Variants in HHLA1 observed in about 807,000 individuals in gnomAD.
HHLA1 encodes the protein HERV-H LTR-associating protein 1.
In HHLA1, 72 loss-of-function variants were observed where a neutral mutation model predicts 69.9. The observed-to-expected ratio is 1.03, with a 90% CI of 0.85 to 1.25. The LOEUF (loss-of-function observed/expected upper bound fraction) is 1.25, where lower values mean the gene tolerates loss of function less well. Ranked by LOEUF, HHLA1 falls within the 50% of genes most tolerant of loss-of-function variation. The pLI, the probability that HHLA1 is intolerant of heterozygous loss-of-function variation, is 0.00. For missense variants in HHLA1, 685 were observed against 642.2 expected, an observed-to-expected ratio of 1.07 and a Z score of -0.72; for synonymous variants, 252 against 233.2, an observed-to-expected ratio of 1.08 and a Z score of -0.73.
At chr8:132,066,049 A>C (rs879145350) in intron 15 of HHLA1, 81 bp from the exon 16 acceptor site, 1 of 551,508 alleles carries the variant, frequency 1.8e-6, no homozygotes, top group South Asian at 1.6e-5. Context: ...AAAGGTAAGC[A>C]CATAAACATG....
Position 132,095,764 on chromosome 8 carries a change from C to T in HHLA1, c.303G>A (p.Leu101=). ...ALKDSKKFFS[L]LSVTSYSSFA... is the part of the protein sequence containing the mutation. ...AGGAACTGTAGGAAGTGACACTCAG[C>T]AAGGAGAAGAACTTCTTGCTATCTG... Residue 101 remains leucine, a synonymous_variant, in exon 6 of 17, where the codon TTG becomes TTA. Transcript: ENST00000414222. 1.3e-6 allele frequency: 2 copies of T among 1,550,962 alleles called. No individual in the cohort carries two copies. The highest frequency in any genetic ancestry group is 1.7e-6 in the Non-Finnish European group (2 of 1,146,648).
At chr8:132,094,069 T>C (rs1402559265) in intron 7 of HHLA1, among the ~76,000 whole-genome samples, 2 of 152,232 alleles carry the variant, frequency 1.3e-5, no homozygotes, top group Non-Finnish European at 2.9e-5. Context: ...AAATTATTTA[T>C]ATTAAGAAAA....
At chr8:132,084,627 T>G (rs2130887522) in intron 10 of HHLA1, among the ~76,000 whole-genome samples, 1 of 151,882 alleles carries the variant, frequency 6.6e-6, no homozygotes, top group Admixed American at 6.6e-5. Context: ...GGCATTTAGG[T>G]TTTAGGTCAG....
At chr8:132,098,839 GAA>G in intron 5 of HHLA1, 41 bp downstream of exon 5, 2 of 1,291,370 alleles carry the variant, frequency 1.5e-6, no homozygotes, top group South Asian at 1.3e-5. Flanking sequence ...ACTGGTACAA[GAA>G]AAAAAAATGG....
chr8:132,085,630 C>T (rs368688910), intron 10 of HHLA1: 1,794 of 161,572 alleles, frequency 0.011, 6 homozygotes, highest in African/African-American at 0.038. Flanking sequence ...TGGGTGCAGG[C>T]GGGCTGAGTC....
intron 3 of HHLA1, among the ~76,000 whole-genome samples, chr8:132,102,234 G>A (rs1479532611): frequency 1.3e-5 from 2 of 152,148 alleles, no homozygotes; most frequent in African/African-American, 4.8e-5. Flanking sequence ...TCCTTTTCCT[G>A]TTTATCCGTC....
chr8:132,087,406 G>C (rs778455739), intron 10 of HHLA1, among the ~76,000 whole-genome samples: 1 of 152,162 alleles, frequency 6.6e-6, no homozygotes, highest in Non-Finnish European at 1.5e-5. Context: ...CCTTCCTAGT[G>C]GGGGAATGAG....
chr8:132,072,537 C>T (rs1823564735), intron 14 of HHLA1, among the ~76,000 whole-genome samples: 2 of 152,136 alleles, frequency 1.3e-5, no homozygotes, highest in Non-Finnish European at 2.9e-5. Flanking sequence ...GCCTTCCTCT[C>T]ACAGAGCTTA....
At chr8:132,068,112 C>A (rs1365147609) in intron 15 of HHLA1, among the ~76,000 whole-genome samples, 3 of 152,236 alleles carry the variant, frequency 2.0e-5, no homozygotes, top group South Asian at 4.1e-4. Flanking sequence ...GGGGCATGAT[C>A]TGCTTTAGAA....
chr8:132,094,052 C>A (rs1017081470), intron 7 of HHLA1, among the ~76,000 whole-genome samples: 6 of 152,152 alleles, frequency 3.9e-5, no homozygotes, highest in Admixed American at 3.9e-4. Context: ...CAAAGATGTC[C>A]AAGGCAAAAT....
At chr8:132,089,984 T>C (rs936333672) in intron 7 of HHLA1, among the ~76,000 whole-genome samples, 2 of 152,210 alleles carry the variant, frequency 1.3e-5, no homozygotes, top group Non-Finnish European at 2.9e-5. Context: ...CCCACAGATA[T>C]GTAATGTAAA....
chr8:132,092,968 C>T (rs528510730), intron 7 of HHLA1, among the ~76,000 whole-genome samples: 14 of 152,124 alleles, frequency 9.2e-5, no homozygotes, highest in African/African-American at 2.9e-4. Context: ...GTCTACATGC[C>T]CAGACTATCA....
chr8:132,074,157 C>G (rs1265316262), intron 14 of HHLA1, among the ~76,000 whole-genome samples: 1 of 152,192 alleles, frequency 6.6e-6, no homozygotes, highest in African/African-American at 2.4e-5. Context: ...AGGTATAGTG[C>G]CTTTGCTTAA....
At chr8:132,085,055 AGG>A (rs1304132410) in intron 10 of HHLA1, among the ~76,000 whole-genome samples, 1 of 151,722 alleles carries the variant, frequency 6.6e-6, no homozygotes, top group Non-Finnish European at 1.5e-5. Context: ...CAAGGAGAGA[AGG>A]GGTTGGAGTA....
intron 14 of HHLA1, among the ~76,000 whole-genome samples, chr8:132,072,427 T>C (rs1823563054): frequency 6.6e-6 from 1 of 151,840 alleles, no homozygotes. Flanking sequence ...ATAATAGCAA[T>C]TATTATTATT....
intron 7 of HHLA1, among the ~76,000 whole-genome samples, chr8:132,094,804 G>C (rs1823996861): frequency 6.6e-6 from 1 of 152,180 alleles, no homozygotes; most frequent in Non-Finnish European, 1.5e-5. Flanking sequence ...ACTTTGCTCT[G>C]TGTGCTTTCC....
Position 132,105,047 on chromosome 8 carries a change from A to G in HHLA1, c.79+140T>C, listed in dbSNP as rs533034793. 12 of 673,452 alleles carry G rather than the reference A, an allele frequency of 1.8e-5. No individual in the cohort carries two copies. The Admixed American group carries it at 1.9e-4, about 11-fold the overall frequency. 41.7% of individuals were successfully genotyped at this position (673,452 alleles called of 1,614,324 possible). Reference sequence around the variant, plus strand: ...AAAAAGTCAAGGGAACAACAGAAGTAGGGAAGTTATTCTTGCCATTTTGAA... The same window carrying G: ...AAAAAGTCAAGGGAACAACAGAAGTGGGGAAGTTATTCTTGCCATTTTGAA... On this transcript the variant is annotated intron_variant, in intron 2 of 16. Coordinates refer to ENST00000414222, the MANE Select transcript of HHLA1 (RefSeq NM_001145095.3).
intron 1 of HHLA1, among the ~76,000 whole-genome samples, chr8:132,108,011 G>C (rs1030803304): frequency 6.6e-6 from 1 of 152,122 alleles, no homozygotes; most frequent in Non-Finnish European, 1.5e-5. Flanking sequence ...TCTTGAGTTG[G>C]CCATTGTGAT....
In HHLA1 at chr8:132,087,681, T is replaced by A; in HGVS notation, c.648A>T (p.Thr216=). 6.4e-7 allele frequency: 1 copy of A among 1,551,456 alleles called. No homozygotes were observed. Among genetic ancestry groups the A allele is most frequent in the Non-Finnish European group, 8.7e-7 (1 of 1,146,842 alleles). The change falls in exon 10 of 17, where the codon ACA becomes ACT. Residue 216 remains threonine, a synonymous_variant. Transcript: ENST00000414222. ...IEEKYPIINY[T]FTSGLSGVLG... is the part of the protein sequence containing the mutation. ...GAACACCAGACAAGCCGCTGGTAAA[T>A]GTGTAATTGATAATGGGATATTTTT...
Sources: allele counts gnomAD v4.1 joint callset (sites outside exome capture counted in the v4.1 genomes callset), GRCh38; gene constraint gnomAD v4.1.1; transcripts MANE v1.5; gene names NCBI Gene and HGNC (gene_info 2026-07-23, HGNC 2026-07-21).